The following DNAH2 variants were observed in gnomAD, a reference collection of about 807,000 sequenced individuals.
DNAH2 encodes the protein axonemal beta dynein heavy chain 2.
DNAH2 carries 323 observed loss-of-function variants against 523.5 expected under a neutral mutation model. The ratio of observed to expected loss-of-function variants is 0.62; its 90% CI spans 0.56 to 0.68. The LOEUF is 0.68. Ranked by LOEUF, DNAH2 falls within the 30% of genes least tolerant of loss-of-function variation. The pLI is 0.00. For synonymous variants in DNAH2, 2,093 were observed against 2,177.4 expected (o/e 0.96, Z 1.08); for missense variants, 4,907 against 5,701.5 (o/e 0.86, Z 4.49).
rs2077303740 is a variant in DNAH2, at chr17:7,804,267, A to G, written c.8984A>G (p.Glu2995Gly). The G allele has an allele frequency of 1.2e-6, 2 of 1,614,034 alleles. No homozygotes were observed. Among genetic ancestry groups the G allele is most frequent in the Non-Finnish European group, 1.7e-6 (2 of 1,180,000 alleles). ...ATTCTTTCCCCCAGGTTGCTGGGAG[A>G]AAAACGGCAGGAGCTGCTGGCCCAA... ...LLSGYKKLLG[E>G]KRQELLAQAN... Residue 2995 changes from glutamate (E) to glycine (G), a missense_variant, in exon 59 of 86, where the codon GAA becomes GGA. Transcript: ENST00000572933.
chr17:7,767,508 C>T (rs1477931832), intron 22 of DNAH2, among the ~76,000 whole-genome samples: 1 of 152,090 alleles, frequency 6.6e-6, no homozygotes, highest in South Asian at 2.1e-4. Flanking sequence ...TTTTGAGGAG[C>T]TGCCAAGCCA....
In DNAH2 at chr17:7,817,730, G is replaced by A. The variant is rs183651092; in HGVS notation, c.10169+21G>A. On this transcript the variant is annotated intron_variant, in intron 66 of 85. Transcript: ENST00000572933. ...AACAGGTGAGGGTGCTGCTGGGCGT[G>A]GGGGCGGTACGGGAGCATGGGAGAG... 515 of 1,613,702 alleles carry A rather than the reference G, an allele frequency of 3.2e-4. 2 individuals carry two copies. Among genetic ancestry groups the A allele is most frequent in the Non-Finnish European group, 1.7e-4 (202 of 1,179,602 alleles).
At chr17:7,731,519 T>C (rs1597468570) in intron 4 of DNAH2, among the ~76,000 whole-genome samples, 1 of 152,086 alleles carries the variant, frequency 6.6e-6, no homozygotes, top group Non-Finnish European at 1.5e-5. Context: ...CTTGCTCCTA[T>C]TTAAAAATAA....
Position 7,793,068 on chromosome 17 carries a change from A to T in DNAH2, c.7432A>T (p.Met2478Leu). The T allele has an allele frequency of 6.2e-7, 1 of 1,614,220 alleles. No homozygotes were observed. Residue 2478 changes from methionine (M) to leucine (L), a missense_variant, in exon 48 of 86, where the codon ATG (methionine) becomes TTG (leucine). Around this residue, in one of 3 missense-constraint regions of DNAH2, gnomAD observed 2,806 missense variants for 3,190.8 expected, o/e 0.88. Coordinates refer to ENST00000572933, the MANE Select transcript of DNAH2 (RefSeq NM_020877.5). Reference protein sequence around the residue: ...GVYVPFGGKSMITFMDDLNMP... With the variant: ...GVYVPFGGKSLITFMDDLNMP... ...CTACGTGCCATTCGGGGGCAAAAGC[A>T]TGATCACCTTTATGGATGACCTAAA...
chr17:7,829,131 C>T (rs1450212981), intron 77 of DNAH2, among the ~76,000 whole-genome samples: 1 of 152,064 alleles, frequency 6.6e-6, no homozygotes, highest in Admixed American at 6.5e-5. Flanking sequence ...TCTTCTGCCT[C>T]AGCCTCCCGA....
In DNAH2 at chr17:7,741,724, G is replaced by A. The variant is rs76127694; in HGVS notation, c.1689+732G>A. ...TTGTTGCCCAGGCTGGAGTGCAGTG[G>A]TGTGATCTCGGCTCACCGCAACCTT... On this transcript the variant is annotated intron_variant, in intron 11 of 85. Transcript: ENST00000572933. Among the ~76,000 whole-genome samples, 393 of 151,598 alleles carry A rather than the reference G, an allele frequency of 2.6e-3. 24 individuals are homozygous for A. The East Asian group carries it at 0.066, about 25-fold the overall frequency.
At chr17:7,732,263 C>T (rs1402918842) in intron 4 of DNAH2, among the ~76,000 whole-genome samples, 1 of 150,662 alleles carries the variant, frequency 6.6e-6, no homozygotes, top group African/African-American at 2.4e-5. Context: ...GGTGAAACCC[C>T]GTCTCTACTA....
At chr17:7,738,008 G>T in intron 8 of DNAH2, 1 of 703,230 alleles carries the variant, frequency 1.4e-6, no homozygotes, top group South Asian at 1.5e-5. Flanking sequence ...CATCTCCCTG[G>T]ACCGGATCTT....
At position 7,768,167 on chromosome 17, in the gene DNAH2, C is replaced by A. The variant is rs778080261; in HGVS notation, c.3841C>A (p.Arg1281=). The A allele has an allele frequency of 1.2e-6, 2 of 1,614,046 alleles. No homozygotes were observed. Among genetic ancestry groups the A allele is most frequent in the African/African-American group, 2.7e-5 (2 of 74,904 alleles). ...CATGCCCCCAACTTTTGCTCAGGAC[C>A]GAAACTGGGAAATTATTGAAACCAC... ...LTKLAKEYKD[R]NWEIIETTRS... Residue 1281 remains arginine, a synonymous_variant, in exon 24 of 86, where the codon CGA becomes AGA. Coordinates refer to ENST00000572933, the MANE Select transcript of DNAH2 (RefSeq NM_020877.5).
chr17:7,778,134 T>A lies in DNAH2; in HGVS notation c.5305T>A (p.Tyr1769Asn). 6.2e-7 allele frequency: 1 copy of A among 1,614,120 alleles called. No individual in the cohort carries two copies. Among genetic ancestry groups the A allele is most frequent in the Non-Finnish European group, 8.5e-7 (1 of 1,180,024 alleles). Residue 1769 changes from tyrosine to asparagine, a missense_variant, in exon 34 of 86, where the codon TAC becomes AAC. Physicochemically the swap from Tyr to Asn is moderately radical, Grantham distance 143. Around this residue, in one of 3 missense-constraint regions of DNAH2, gnomAD observed 2,806 missense variants for 3,190.8 expected, o/e 0.88. Transcript: ENST00000572933. Reference protein sequence around the residue: ...TNTQFQYNYEYLGNSGRLVIT... With the variant: ...TNTQFQYNYENLGNSGRLVIT... Reference sequence around the variant, plus strand: ...CACGCAATTTCAGTATAATTATGAGTACTTGGGTAACTCGGGCCGGCTCGT... The same window carrying A: ...CACGCAATTTCAGTATAATTATGAGAACTTGGGTAACTCGGGCCGGCTCGT...
At position 7,758,512 on chromosome 17, in the gene DNAH2, C is replaced by G. The variant is rs1352723304; in HGVS notation, c.2069C>G (p.Ser690Cys). ...RDYNRIIAML[S>C]PDEQALFKER... ...ATGCACAGGATTATTGCCATGCTGTCCCCAGATGAGCAGGCCCTATTCAAA... is the reference window on the plus strand; with the variant it reads ...ATGCACAGGATTATTGCCATGCTGTGCCCAGATGAGCAGGCCCTATTCAAA... The change falls in exon 14 of 86, where the codon TCC becomes TGC. Residue 690 changes from serine (S) to cysteine (C), a missense_variant. Ser to Cys is a moderately radical substitution (Grantham distance 112). Around this residue, in one of 3 missense-constraint regions of DNAH2, gnomAD observed 2,806 missense variants for 3,190.8 expected, o/e 0.88. Transcript: ENST00000572933. 1 of 1,613,826 alleles carries G rather than the reference C, an allele frequency of 6.2e-7. No homozygotes were observed. The highest frequency in any genetic ancestry group is 1.1e-5 in the South Asian group (1 of 91,020).
intron 11 of DNAH2, among the ~76,000 whole-genome samples, chr17:7,741,355 T>C (rs1377372516): frequency 7.5e-6 from 1 of 132,814 alleles, no homozygotes; most frequent in Non-Finnish European, 1.6e-5. Context: ...CCTTCCTTCC[T>C]TCCTTTCTTT....
At chr17:7,825,899 T>C (rs2078004956) in intron 77 of DNAH2, among the ~76,000 whole-genome samples, 1 of 152,172 alleles carries the variant, frequency 6.6e-6, no homozygotes, top group South Asian at 2.1e-4. Flanking sequence ...AGGCAGGATA[T>C]TTTTTTAGAA....
chr17:7,779,511 C>T, intron 36 of DNAH2, 88 bp downstream of exon 36: 1 of 1,370,888 alleles, frequency 7.3e-7, no homozygotes, highest in Non-Finnish European at 1.0e-6. Flanking sequence ...CTTCCCCCTT[C>T]CATGCGAATG....
rs754260086 is a variant in DNAH2, at chr17:7,819,071, C to T, written c.10815+8C>T. The T allele has an allele frequency of 1.9e-6, 3 of 1,602,576 alleles. No individual in the cohort carries two copies. Among genetic ancestry groups the T allele is most frequent in the South Asian group, 2.2e-5 (2 of 90,702 alleles). ...ACTGACTTGGCGCGGGAGGTAAGCTCCCGGCCCTCCAGTCCTGCCTCCCAC... is the reference window on the plus strand; with the variant it reads ...ACTGACTTGGCGCGGGAGGTAAGCTTCCGGCCCTCCAGTCCTGCCTCCCAC... On this transcript the variant is annotated splice_region_variant and intron_variant, in intron 71 of 85. Coordinates refer to ENST00000572933, the MANE Select transcript of DNAH2 (RefSeq NM_020877.5).
At chr17:7,733,724 G>T (rs920107376) in intron 5 of DNAH2, among the ~76,000 whole-genome samples, 1 of 151,926 alleles carries the variant, frequency 6.6e-6, no homozygotes, top group Admixed American at 6.6e-5. Flanking sequence ...TGATCCACCC[G>T]CCTTGGCCGC....
At chr17:7,759,962 CA>C in intron 17 of DNAH2, 24 bp downstream of exon 17, 1 of 1,614,108 alleles carries the variant, frequency 6.2e-7, no homozygotes, top group South Asian at 1.1e-5. Context: ...GGGGAGGGCA[CA>C]AGGCACAGGG....
chr17:7,744,105 C>T (rs986231079), intron 12 of DNAH2, among the ~76,000 whole-genome samples: 1 of 151,978 alleles, frequency 6.6e-6, no homozygotes, highest in Admixed American at 6.6e-5. Flanking sequence ...TTGAGCCTGG[C>T]CAGCATGGCG....
At chr17:7,765,789 T>C (rs997204744) in intron 21 of DNAH2, among the ~76,000 whole-genome samples, 3 of 151,846 alleles carry the variant, frequency 2.0e-5, no homozygotes, top group African/African-American at 4.8e-5. Context: ...TTTTTTCTTT[T>C]TTTTTTTGAG....
Sources: allele counts gnomAD v4.1 joint callset (sites outside exome capture counted in the v4.1 genomes callset), GRCh38; gene constraint gnomAD v4.1.1; regional missense constraint gnomAD v4.1.1; transcripts MANE v1.5; gene names NCBI Gene and HGNC (gene_info 2026-07-23, HGNC 2026-07-21).